Variants in ACVR1 observed in about 807,000 individuals in gnomAD.
ACVR1 encodes the protein activin A receptor type 1.
ACVR1 carries 38 observed loss-of-function variants against 57.1 expected under a neutral mutation model. The ratio of observed to expected loss-of-function variants is 0.67; its 90% CI spans 0.51 to 0.87. The LOEUF (loss-of-function observed/expected upper bound fraction) is 0.87, where lower values mean the gene tolerates loss of function less well. Ranked by LOEUF, ACVR1 falls within the 40% of genes least tolerant of loss-of-function variation. The pLI is 0.00. For missense variants in ACVR1, 463 were observed against 638.2 expected (o/e 0.73, Z 2.96); for synonymous variants, 212 against 228.1 (o/e 0.93, Z 0.63).
At chr2:157,785,943 G>C (rs908554025) in intron 3 of ACVR1, among the ~76,000 whole-genome samples, 2 of 152,140 alleles carry the variant, frequency 1.3e-5, no homozygotes. Flanking sequence ...TACAACTGCT[G>C]GCTGACCTGA....
rs1686460106 is a variant in ACVR1, at chr2:157,780,397, C to T, written c.271G>A (p.Val91Met). 1 of 1,614,188 alleles carries T rather than the reference C, an allele frequency of 6.2e-7. No homozygotes were observed. The highest frequency in any genetic ancestry group is 8.5e-7 in the Non-Finnish European group (1 of 1,180,012). ...CACCAGTCCCCTTGGCAGCACTCCA[C>T]GGCTTGGCCAGGGGACGGCGGGGTC... Reference protein sequence around the residue: ...CKTPPSPGQAVECCQGDWCNR... With the variant: ...CKTPPSPGQAMECCQGDWCNR... Residue 91 changes from valine (V) to methionine (M), a missense_variant, in exon 4 of 11, where the codon GTG (valine) becomes ATG (methionine). Physicochemically the swap from Val to Met is conservative, Grantham distance 21. Coordinates refer to ENST00000434821, the MANE Select transcript of ACVR1 (RefSeq NM_001111067.4).
At chr2:157,842,026 C>CAAAAA (rs34227882) in intron 1 of ACVR1, among the ~76,000 whole-genome samples, 2 of 99,592 alleles carry the variant, frequency 2.0e-5, no homozygotes, top group Non-Finnish European at 3.8e-5. Flanking sequence ...GACTCCATCT[C>CAAAAA]AAAAAAAAAA....
At chr2:157,803,323 T>C (rs929686644) in intron 2 of ACVR1, among the ~76,000 whole-genome samples, 1 of 152,218 alleles carries the variant, frequency 6.6e-6, no homozygotes, top group Non-Finnish European at 1.5e-5. Context: ...CCGTCTCTAG[T>C]GTTTAAAGAC....
chr2:157,765,795 G>T, intron 8 of ACVR1, 126 bp downstream of exon 8: 1 of 908,850 alleles, frequency 1.1e-6, no homozygotes, highest in Non-Finnish European at 1.7e-6. Context: ...GGTGTTCATT[G>T]TAAATGTTCA....
At chr2:157,837,950 C>T (rs1289920656) in intron 1 of ACVR1, among the ~76,000 whole-genome samples, 3 of 152,154 alleles carry the variant, frequency 2.0e-5, no homozygotes, top group Admixed American at 1.3e-4. Flanking sequence ...AGTCTGGGAC[C>T]GGCTTCCAGT....
intron 2 of ACVR1, 72 bp downstream of exon 2, chr2:157,818,313 T>G (rs1485218304): frequency 1.3e-5 from 2 of 152,220 alleles, no homozygotes; most frequent in Non-Finnish European, 2.9e-5. Context: ...AGAAGTGATT[T>G]GTTGAAGTGG....
intron 2 of ACVR1, among the ~76,000 whole-genome samples, chr2:157,802,161 G>A (rs1011692107): frequency 1.3e-5 from 2 of 152,290 alleles, no homozygotes; most frequent in South Asian, 2.1e-4. Context: ...GGAATCAGAA[G>A]GATGAGTAGA....
chr2:157,783,300 C>T (rs76490979), intron 3 of ACVR1, among the ~76,000 whole-genome samples: 2,389 of 152,260 alleles, frequency 0.016, 79 homozygotes, highest in African/African-American at 0.054. Context: ...ACTGCTTTTC[C>T]AAGGTCTCTA....
chr2:157,772,860 A>G (rs780291013), intron 6 of ACVR1, among the ~76,000 whole-genome samples: 7 of 152,212 alleles, frequency 4.6e-5, no homozygotes, highest in Non-Finnish European at 8.8e-5. Flanking sequence ...ATAGCCGTAG[A>G]CCTAGAGAAA....
chr2:157,820,096 T>C (rs1688111666), intron 1 of ACVR1, among the ~76,000 whole-genome samples: 1 of 152,208 alleles, frequency 6.6e-6, no homozygotes, highest in African/African-American at 2.4e-5. Context: ...AAACCGTTCC[T>C]CACTTCAGCT....
chr2:157,838,979 G>A (rs1411247074), intron 1 of ACVR1, among the ~76,000 whole-genome samples: 1 of 152,106 alleles, frequency 6.6e-6, no homozygotes, highest in East Asian at 1.9e-4. Context: ...CTATACTTAG[G>A]TTAGAAGGGA....
intron 1 of ACVR1, among the ~76,000 whole-genome samples, chr2:157,869,053 T>C (rs1305016781): frequency 6.6e-6 from 1 of 152,202 alleles, no homozygotes; most frequent in African/African-American, 2.4e-5. Context: ...TTTGGGTGTG[T>C]GTAACCTCAG....
chr2:157,859,246 G>A (rs1010038511), intron 1 of ACVR1, among the ~76,000 whole-genome samples: 1 of 152,156 alleles, frequency 6.6e-6, no homozygotes, highest in Non-Finnish European at 1.5e-5. Flanking sequence ...AGATGGTGAC[G>A]AGAGTGACCT....
At chr2:157,798,520 T>C (rs563997426) in intron 3 of ACVR1, among the ~76,000 whole-genome samples, 9 of 124,368 alleles carry the variant, frequency 7.2e-5, no homozygotes, top group Admixed American at 1.9e-4. Flanking sequence ...TTGGGCTTTT[T>C]TGGAGGGGGT....
At chr2:157,829,771 T>C (rs2105342898) in intron 1 of ACVR1, among the ~76,000 whole-genome samples, 1 of 152,344 alleles carries the variant, frequency 6.6e-6, no homozygotes, top group East Asian at 1.9e-4. Context: ...TATTAACACA[T>C]GCCCCCTCAT....
intron 1 of ACVR1, chr2:157,838,271 T>C (rs1450249078): frequency 2.6e-5 from 4 of 152,164 alleles, no homozygotes; most frequent in Admixed American, 2.6e-4. Flanking sequence ...TGAAACGCTA[T>C]TCGCTTCAAA....
intron 2 of ACVR1, among the ~76,000 whole-genome samples, chr2:157,810,728 T>C (rs116227288): frequency 0.019 from 2,843 of 152,166 alleles, 86 homozygotes; most frequent in African/African-American, 0.064. Context: ...AGCAACAATT[T>C]CAACTACCAC....
At chr2:157,873,567 C>A (rs1256547292) in intron 1 of ACVR1, among the ~76,000 whole-genome samples, 1 of 152,180 alleles carries the variant, frequency 6.6e-6, no homozygotes, top group Non-Finnish European at 1.5e-5. Context: ...CAGCTCCCAG[C>A]CCCAGCATTG....
intron 3 of ACVR1, among the ~76,000 whole-genome samples, chr2:157,786,325 T>C (rs1358435809): frequency 6.6e-6 from 1 of 152,200 alleles, no homozygotes; most frequent in Admixed American, 6.5e-5. Context: ...CACAACAGCG[T>C]CAGTGGTTGG....
Sources: allele counts gnomAD v4.1 joint callset (sites outside exome capture counted in the v4.1 genomes callset), GRCh38; gene constraint gnomAD v4.1.1; transcripts MANE v1.5; gene names NCBI Gene and HGNC (gene_info 2026-07-23, HGNC 2026-07-21).